The following NR3C1 variants were observed in gnomAD, a reference collection of about 807,000 sequenced individuals.
The protein encoded by NR3C1 is nuclear receptor subfamily 3 group C member 1.
A neutral mutation model predicts 74.0 loss-of-function variants in NR3C1; 14 were observed. That is an observed-to-expected ratio of 0.19 (90% CI 0.12 to 0.30). The LOEUF (loss-of-function observed/expected upper bound fraction) is 0.30, where lower values mean the gene tolerates loss of function less well. NR3C1 is among the 10% of genes least tolerant of loss of function. The pLI is 1.00. For synonymous variants in NR3C1, 308 were observed against 332.5 expected (o/e 0.93, Z 0.80); for missense variants, 695 against 909.8 (o/e 0.76, Z 3.04).
chr5:143,344,063 C>T (rs1486431466), intron 2 of NR3C1, among the ~76,000 whole-genome samples: 1 of 151,888 alleles, frequency 6.6e-6, no homozygotes, highest in Non-Finnish European at 1.5e-5. Context: ...TCCTTTTGGA[C>T]TGTATAAGAT....
At chr5:143,435,062 T>C (rs906790542) in exon 1 of NR3C1, 1 of 985,318 alleles carries the variant, frequency 1.0e-6, no homozygotes, top group African/African-American at 1.7e-5. Flanking sequence ...AGGCAGATCC[T>C]AATGGAAACC....
chr5:143,400,296 T>C lies in NR3C1; in HGVS notation c.544A>G (p.Lys182Glu). ...GTGCTTTGGTCTGTGGTATACAATT[T>C]CACATTGCCACCGTTGGTGCCAGTC... ...GQTGTNGGNV[K>E]LYTTDQSTFD... Residue 182 changes from lysine to glutamate, a missense_variant, in exon 2 of 9, where the codon AAA becomes GAA. Around this residue, in one of 4 missense-constraint regions of NR3C1, gnomAD observed 497 missense variants for 489.5 expected, o/e 1.02. Transcript: ENST00000394464. 6.2e-7 allele frequency: 1 copy of C among 1,608,524 alleles called. No homozygotes were observed. The highest frequency in any genetic ancestry group is 8.5e-7 in the Non-Finnish European group (1 of 1,177,066).
chr5:143,309,956 G>A (rs931065957), intron 4 of NR3C1, 141 bp downstream of exon 4: 16 of 680,262 alleles, frequency 2.4e-5, no homozygotes, highest in African/African-American at 3.6e-5. Context: ...TTTTTATTGG[G>A]CAGTAACATT....
In NR3C1 at chr5:143,399,924, A is replaced by T; in HGVS notation, c.916T>A (p.Phe306Ile). The T allele has an allele frequency of 6.2e-7, 1 of 1,614,204 alleles. No individual in the cohort carries two copies. Among genetic ancestry groups the T allele is most frequent in the South Asian group, 1.1e-5 (1 of 91,080 alleles). Residue 306 changes from phenylalanine to isoleucine, a missense_variant, in exon 2 of 9, where the codon TTT becomes ATT. Coordinates refer to ENST00000394464, the MANE Select transcript of NR3C1 (RefSeq NM_000176.3). ...KLGTVYCQAS[F>I]PGANIIGNKM... ...TTACCAATTATATTTGCTCCAGGAA[A>T]GCTTGCCTGACAGTAAACTGTGCCC...
At chr5:143,315,071 C>A (rs1376610856) in intron 2 of NR3C1, among the ~76,000 whole-genome samples, 4 of 151,684 alleles carry the variant, frequency 2.6e-5, no homozygotes, top group Non-Finnish European at 5.9e-5. Context: ...TTTTCAATCT[C>A]AAAAAAAATT....
chr5:143,405,331 C>T (rs1448016814), upstream of NR3C1: 8 of 985,516 alleles, frequency 8.1e-6, no homozygotes, highest in African/African-American at 1.7e-5. Flanking sequence ...GCCACTCTCT[C>T]ACCTCCCGCC....
chr5:143,409,577 TTAAAA>T (rs1454711948), intron 1 of NR3C1, among the ~76,000 whole-genome samples: 3 of 152,226 alleles, frequency 2.0e-5, no homozygotes, highest in African/African-American at 4.8e-5. Flanking sequence ...ATTTGTCTCT[TTAAAA>T]TAATATCTTG....
chr5:143,400,207 A>T lies in NR3C1; in HGVS notation c.633T>A (p.Ser211Arg). 6.2e-7 allele frequency: 1 copy of T among 1,608,660 alleles called. No individual in the cohort carries two copies. The highest frequency in any genetic ancestry group is 8.5e-7 in the Non-Finnish European group (1 of 1,177,780). Residue 211 changes from serine (S) to arginine (R), a missense_variant, in exon 2 of 9, where the codon AGT becomes AGA. By Grantham distance (110) the Ser-to-Arg change is moderately radical. Coordinates refer to ENST00000394464, the MANE Select transcript of NR3C1 (RefSeq NM_000176.3). ...CTATCAACAGGTCTGATCTCCAAGG[A>T]CTCTCATTCGTCTCTTTACCTGGGG... The part of the protein sequence containing the change: ...SGSPGKETNE[S>R]PWRSDLLIDE...
chr5:143,309,170 T>C (rs1820338151), intron 4 of NR3C1, among the ~76,000 whole-genome samples: 1 of 150,562 alleles, frequency 6.6e-6, no homozygotes, highest in African/African-American at 2.4e-5. Flanking sequence ...GCCTCCCGGG[T>C]TCAAGTGATT....
intron 2 of NR3C1, among the ~76,000 whole-genome samples, chr5:143,375,429 A>G (rs1283522779): frequency 2.6e-5 from 4 of 152,226 alleles, no homozygotes; most frequent in East Asian, 1.9e-4. Flanking sequence ...AATTCTTTTA[A>G]TAGGGGCCTA....
At chr5:143,354,172 A>C (rs960808202) in intron 2 of NR3C1, among the ~76,000 whole-genome samples, 4 of 152,248 alleles carry the variant, frequency 2.6e-5, no homozygotes, top group Non-Finnish European at 5.9e-5. Flanking sequence ...CTTTGGCTTA[A>C]AGGAATGTTG....
intron 7 of NR3C1, among the ~76,000 whole-genome samples, chr5:143,290,275 T>TA (rs1195096373): frequency 2.0e-5 from 3 of 152,228 alleles, no homozygotes; most frequent in African/African-American, 7.2e-5. Context: ...TATTTGTAAA[T>TA]AAAGTTTTAT....
intron 1 of NR3C1, among the ~76,000 whole-genome samples, chr5:143,418,228 C>A (rs925484102): frequency 6.6e-6 from 1 of 152,146 alleles, no homozygotes; most frequent in African/African-American, 2.4e-5. Context: ...ACTCATAAAG[C>A]CATTTATTTA....
intron 1 of NR3C1, 123 bp downstream of exon 1, chr5:143,403,088 C>T: frequency 1.7e-5 from 13 of 781,048 alleles, no homozygotes; most frequent in Non-Finnish European, 2.0e-5. Context: ...CAGCCCCCCA[C>T]CCCCACTCCC....
intron 3 of NR3C1, among the ~76,000 whole-genome samples, chr5:143,311,590 A>G (rs1423883028): frequency 6.6e-6 from 1 of 152,196 alleles, no homozygotes; most frequent in Non-Finnish European, 1.5e-5. Context: ...TTCATAACAC[A>G]TGGCCACGTA....
chr5:143,365,196 T>C (rs577725364), intron 2 of NR3C1, among the ~76,000 whole-genome samples: 18 of 152,236 alleles, frequency 1.2e-4, no homozygotes, highest in African/African-American at 3.6e-4. Flanking sequence ...TGGCAAAATA[T>C]CAGAAGTAAT....
chr5:143,347,220 T>C (rs917955898), intron 2 of NR3C1, among the ~76,000 whole-genome samples: 1 of 152,234 alleles, frequency 6.6e-6, no homozygotes, highest in Non-Finnish European at 1.5e-5. Context: ...AATTTCAAAA[T>C]CTTCTCATCT....
intron 2 of NR3C1, among the ~76,000 whole-genome samples, chr5:143,339,545 CCTTT>C (rs1827813843): frequency 1.3e-5 from 2 of 152,122 alleles, no homozygotes; most frequent in Admixed American, 1.3e-4. Flanking sequence ...TTTTCAAAAT[CCTTT>C]AATTTGATAA....
intron 6 of NR3C1, among the ~76,000 whole-genome samples, chr5:143,297,934 G>A (rs1817663946): frequency 6.6e-6 from 1 of 152,198 alleles, no homozygotes; most frequent in South Asian, 2.1e-4. Flanking sequence ...TGGAGGGTCA[G>A]TGGGAAGATA....
Sources: allele counts gnomAD v4.1 joint callset (sites outside exome capture counted in the v4.1 genomes callset), GRCh38; gene constraint gnomAD v4.1.1; regional missense constraint gnomAD v4.1.1; transcripts MANE v1.5; gene names NCBI Gene and HGNC (gene_info 2026-07-23, HGNC 2026-07-21).